CDKL4: variants seen among roughly 807,000 people sequenced by gnomAD.
CDKL4 encodes cyclin dependent kinase like 4.
In CDKL4, 44 loss-of-function variants were observed where a neutral mutation model predicts 42.0. The observed-to-expected ratio is 1.05, with a 90% CI of 0.82 to 1.35. The LOEUF is 1.35. Among genes scored for constraint, CDKL4 ranks in the 40% most tolerant of loss-of-function variants. The pLI, the probability that CDKL4 is intolerant of heterozygous loss-of-function variation, is 0.00. For synonymous variants in CDKL4, 120 were observed against 121.6 expected (o/e 0.99, Z 0.09); for missense variants, 393 against 369.9 (o/e 1.06, Z -0.51).
chr2:39,225,810 T>C lies in CDKL4; in HGVS notation c.290+29A>G, dbSNP rs376028533. ...AGAAAATGAAACTGAGAACTGGCTG[T>C]ACAGAATTTCAGTTTCCAGATTACT... On this transcript the variant is annotated intron_variant, in intron 3 of 9. Transcript: ENST00000451199. 4 of 1,584,426 alleles carry C rather than the reference T, an allele frequency of 2.5e-6. No homozygotes were observed. In the African/African-American group the frequency reaches 5.5e-5, roughly 22 times the overall value.
intron 1 of CDKL4, among the ~76,000 whole-genome samples, chr2:39,236,594 C>T (rs1402534470): frequency 6.6e-6 from 1 of 152,090 alleles, no homozygotes; most frequent in East Asian, 1.9e-4. Flanking sequence ...TGCTTAATGG[C>T]TGACTCTTCA....
chr2:39,173,530 C>A (rs1485639628), downstream of CDKL4, among the ~76,000 whole-genome samples: 1 of 151,970 alleles, frequency 6.6e-6, no homozygotes, highest in African/African-American at 2.4e-5. Context: ...TTAGCTGGAG[C>A]CGGGCGCGGT....
At chr2:39,230,701 A>G (rs1284387144) in intron 1 of CDKL4, among the ~76,000 whole-genome samples, 1 of 152,242 alleles carries the variant, frequency 6.6e-6, no homozygotes, top group Non-Finnish European at 1.5e-5. Flanking sequence ...ATATAACCTA[A>G]TAACAATTAC....
chr2:39,187,166 C>T (rs1675873829), intron 7 of CDKL4, among the ~76,000 whole-genome samples: 1 of 152,060 alleles, frequency 6.6e-6, no homozygotes, highest in Non-Finnish European at 1.5e-5. Context: ...TGCCCTCACC[C>T]CTCTCTCCTG....
chr2:39,205,097 T>A (rs1009839891), intron 4 of CDKL4, among the ~76,000 whole-genome samples: 1 of 152,076 alleles, frequency 6.6e-6, no homozygotes, highest in Non-Finnish European at 1.5e-5. Flanking sequence ...GAAGGATCAT[T>A]TGAGCCTCGA....
intron 8 of CDKL4, among the ~76,000 whole-genome samples, chr2:39,180,036 T>G (rs1315029646): frequency 6.6e-6 from 1 of 152,050 alleles, no homozygotes; most frequent in East Asian, 1.9e-4. Flanking sequence ...AAAGAGGTTT[T>G]CTCTGAGAAA....
upstream of CDKL4, among the ~76,000 whole-genome samples, chr2:39,244,669 C>T (rs1254185462): frequency 6.6e-6 from 1 of 152,222 alleles, no homozygotes; most frequent in Non-Finnish European, 1.5e-5. Context: ...GAGCGAACGG[C>T]GCGGGACTGG....
chr2:39,230,720 T>C (rs1046509752), intron 1 of CDKL4, among the ~76,000 whole-genome samples: 1 of 152,208 alleles, frequency 6.6e-6, no homozygotes, highest in Non-Finnish European at 1.5e-5. Context: ...ACAATAATAA[T>C]GGCACTTAAC....
intron 8 of CDKL4, among the ~76,000 whole-genome samples, chr2:39,182,303 T>G (rs1304021527): frequency 5.3e-5 from 8 of 152,212 alleles, no homozygotes; most frequent in Admixed American, 2.0e-4. Context: ...ATTCATGTTT[T>G]TATATGGGCT....
Position 39,193,524 on chromosome 2 carries a change from C to T in CDKL4, c.455-3022G>A, listed in dbSNP as rs147462363. 8.6e-3 allele frequency among the ~76,000 whole-genome samples: 1,308 copies of T among 151,930 alleles called. 22 individuals are homozygous for T. The highest frequency in any genetic ancestry group is 0.029 in the African/African-American group (1,218 of 41,448). On this transcript the variant is annotated intron_variant, in intron 5 of 9. Transcript: ENST00000451199. ...CCAAGTAGCTGGGATTACAGACATGCGCCAACATGCCCGGCTAATTTTGTA... is the reference window on the plus strand; with the variant it reads ...CCAAGTAGCTGGGATTACAGACATGTGCCAACATGCCCGGCTAATTTTGTA...
intron 1 of CDKL4, among the ~76,000 whole-genome samples, chr2:39,232,993 C>A (rs551248005): frequency 9.5e-5 from 12 of 126,522 alleles, no homozygotes; most frequent in Non-Finnish European, 1.6e-4. Flanking sequence ...TGCAGTGAGC[C>A]GAGATCGTAC....
At chr2:39,203,802 T>G (rs992438819) in intron 5 of CDKL4, among the ~76,000 whole-genome samples, 13 of 152,154 alleles carry the variant, frequency 8.5e-5, no homozygotes, top group African/African-American at 3.1e-4. Flanking sequence ...CCAATTATCA[T>G]TAGGATCCTA....
intron 9 of CDKL4, chr2:39,178,573 AAAGCAAG>A: frequency 6.4e-7 from 1 of 1,551,666 alleles, no homozygotes; most frequent in Non-Finnish European, 8.7e-7. Context: ...AAGTTTTCTG[AAAGCAAG>A]TGAAGGACAG....
chr2:39,177,035 G>A lies in CDKL4; in HGVS notation c.928-939C>T, dbSNP rs150547393. ...CTACAGGGGGACCCACCATGCAGAG[G>A]TGGATAGAATGCAGTTTACAGAGGA... On this transcript the variant is annotated intron_variant, in intron 9 of 9. Coordinates refer to ENST00000451199, the Ensembl canonical transcript of CDKL4. Among the ~76,000 whole-genome samples the A allele has an allele frequency of 1.1e-4, 16 of 152,202 alleles. No individual in the cohort carries two copies. The East Asian group carries it at 2.1e-3, about 20-fold the overall frequency.
At chr2:39,188,661 T>C (rs989933697) in intron 6 of CDKL4, among the ~76,000 whole-genome samples, 19 of 151,560 alleles carry the variant, frequency 1.3e-4, no homozygotes, top group African/African-American at 4.4e-4. Flanking sequence ...TGAGATTTTA[T>C]GAGACTTCAT....
At chr2:39,246,357 T>C (rs542744725), upstream of CDKL4, among the ~76,000 whole-genome samples, 5 of 152,290 alleles carry the variant, frequency 3.3e-5, no homozygotes, top group African/African-American at 9.6e-5. Context: ...ATTTCCACCA[T>C]CTATCATGCT....
At chr2:39,240,677 T>TAAAAAAAAAAA (rs768356807) in intron 1 of CDKL4, among the ~76,000 whole-genome samples, 10 of 87,890 alleles carry the variant, frequency 1.1e-4, no homozygotes, top group East Asian at 9.0e-4. Flanking sequence ...AGATGAACAT[T>TAAAAAAAAAAA]AAAAAAAAAA....
chr2:39,187,884 A>G (rs546209621), intron 6 of CDKL4, among the ~76,000 whole-genome samples, 175 bp from the exon 7 acceptor site: 14 of 152,274 alleles, frequency 9.2e-5, no homozygotes, highest in African/African-American at 3.4e-4. Flanking sequence ...CCTGGTCAAC[A>G]TGGCGAAACC....
chr2:39,245,358 G>A (rs1287729732), upstream of CDKL4, among the ~76,000 whole-genome samples: 1 of 152,060 alleles, frequency 6.6e-6, no homozygotes, highest in Non-Finnish European at 1.5e-5. Flanking sequence ...CTGAGCCAGC[G>A]AGACCACGAA....
Sources: gnomAD v4.1 joint callset for allele counts (sites outside exome capture counted in the v4.1 genomes callset) on GRCh38, gnomAD v4.1.1 for gene constraint, MANE v1.5 for transcripts, NCBI Gene and HGNC (gene_info 2026-07-23, HGNC 2026-07-21) for gene names.